The following SP3 variants were observed in gnomAD, a reference collection of about 807,000 sequenced individuals.
SP3 encodes transcription factor Sp3.
A neutral mutation model predicts 70.3 loss-of-function variants in SP3; 10 were observed. That is an observed-to-expected ratio of 0.14 (90% CI 0.09 to 0.24). SP3 has a LOEUF of 0.24. Ranked by LOEUF, SP3 falls within the 10% of genes least tolerant of loss-of-function variation. The pLI is 1.00. For missense variants in SP3, 825 were observed against 914.6 expected, an observed-to-expected ratio of 0.90 and a Z score of 1.26; for synonymous variants, 402 against 333.5, an observed-to-expected ratio of 1.21 and a Z score of -2.24.
At chr2:173,933,638 TTATATATATATATATATA>T (rs60102426) in intron 4 of SP3, among the ~76,000 whole-genome samples, 8 of 86,556 alleles carry the variant, frequency 9.2e-5, no homozygotes, top group East Asian at 3.2e-4. Flanking sequence ...TTATAAAACT[TTATATATATATATATATA>T]TATATATATA....
intron 3 of SP3, 145 bp from the exon 4 acceptor site, chr2:173,956,377 A>G: frequency 5.3e-6 from 4 of 761,766 alleles, no homozygotes; most frequent in South Asian, 2.2e-5. Flanking sequence ...GAGCAGTACT[A>G]TATGAACTAC....
intron 4 of SP3, among the ~76,000 whole-genome samples, chr2:173,951,840 T>C (rs994309273): frequency 6.6e-6 from 1 of 152,222 alleles, no homozygotes; most frequent in Admixed American, 6.5e-5. Context: ...TATAATATAA[T>C]GAGTTGGTCA....
intron 6 of SP3, among the ~76,000 whole-genome samples, chr2:173,911,169 G>C (rs1689471756): frequency 6.6e-6 from 1 of 152,004 alleles, no homozygotes; most frequent in Non-Finnish European, 1.5e-5. Context: ...TCTCTCTCCA[G>C]ACTATCTTCC....
rs904092430 is a variant in SP3, at chr2:173,919,600, G to C, written c.1640-815C>G. On this transcript the variant is annotated intron_variant, in intron 4 of 6. Coordinates refer to ENST00000310015, the MANE Select transcript of SP3 (RefSeq NM_003111.5). ...CCATCAAAATGACCCATAAAAGTAAGAAAAGGTATTCAACATTGTTAAATA... is the reference window on the plus strand; with the variant it reads ...CCATCAAAATGACCCATAAAAGTAACAAAAGGTATTCAACATTGTTAAATA... 4.9e-4 allele frequency among the ~76,000 whole-genome samples: 74 copies of C among 152,160 alleles called. 1 individual carries two copies. The highest frequency in any genetic ancestry group is 1.7e-3 in the African/African-American group (71 of 41,528).
intron 4 of SP3, among the ~76,000 whole-genome samples, chr2:173,930,747 A>C (rs1690044769): frequency 6.6e-6 from 1 of 152,332 alleles, no homozygotes; most frequent in Non-Finnish European, 1.5e-5. Flanking sequence ...CCAATGCCAC[A>C]GTTGAAGTTT....
At chr2:173,936,549 AT>A (rs1414244325) in intron 4 of SP3, among the ~76,000 whole-genome samples, 3 of 152,174 alleles carry the variant, frequency 2.0e-5, no homozygotes, top group Admixed American at 2.0e-4. Flanking sequence ...AACTGCCCAG[AT>A]TTCTATTCAT....
chr2:173,934,291 T>C lies in SP3; in HGVS notation c.1640-15506A>G, dbSNP rs560925543. On this transcript the variant is annotated intron_variant, in intron 4 of 6. Transcript: ENST00000310015. ...ATTAGAATGGGAAAAAAAGCAAAAA[T>C]GGAAACAGACATCAAATACCATTTT... Among the ~76,000 whole-genome samples the C allele has an allele frequency of 4.7e-4, 71 of 151,336 alleles. 1 individual carries two copies. The highest frequency in any genetic ancestry group is 3.5e-3 in the Admixed American group (53 of 15,180).
At position 173,906,835 on chromosome 2, in the gene SP3, T is replaced by G. The variant is rs1269509868; in HGVS notation, c.*3106A>C. 1 of 152,192 alleles carries G rather than the reference T, an allele frequency of 6.6e-6. No homozygotes were observed. The highest frequency in any genetic ancestry group is 1.5e-5 in the Non-Finnish European group (1 of 68,028). 9.4% of individuals were successfully genotyped at this position (152,192 alleles called of 1,614,324 possible). ...CATATACACTCCATCTCCAGAGATG[T>G]TGATTTAGTAAGCTGAGGTGGCTAC... On this transcript the variant is annotated 3_prime_UTR_variant, in exon 7 of 7. Transcript: ENST00000310015.
chr2:173,943,192 T>G (rs1480283375), intron 4 of SP3, among the ~76,000 whole-genome samples: 1 of 152,238 alleles, frequency 6.6e-6, no homozygotes, highest in Non-Finnish European at 1.5e-5. Flanking sequence ...ATTTAAAACC[T>G]GCCAATGTTT....
intron 4 of SP3, among the ~76,000 whole-genome samples, chr2:173,933,647 T>TATATATATATATATATATAA (rs1690131107): frequency 7.5e-6 from 1 of 133,342 alleles, no homozygotes; most frequent in African/African-American, 3.1e-5. Context: ...TTTATATATA[T>TATATATATATATATATATAA]ATATATATAT....
chr2:173,962,537 A>G (rs1691119848), intron 3 of SP3, among the ~76,000 whole-genome samples: 1 of 152,228 alleles, frequency 6.6e-6, no homozygotes, highest in Non-Finnish European at 1.5e-5. Flanking sequence ...ACATTTTTAC[A>G]TGTTAATCTG....
chr2:173,954,383 CAACAAGGA>C (rs569663665), intron 4 of SP3, among the ~76,000 whole-genome samples: 1 of 152,226 alleles, frequency 6.6e-6, no homozygotes, highest in East Asian at 1.9e-4. Flanking sequence ...CCATTTTACA[CAACAAGGA>C]AACTGAGTTT....
chr2:173,955,085 T>C lies in SP3; in HGVS notation c.1427A>G (p.Asn476Ser). Residue 476 changes from asparagine (N) to serine (S), a missense_variant, in exon 4 of 7, where the codon AAT becomes AGT. Physicochemically the swap from Asn to Ser is conservative, Grantham distance 46. Around this residue, in one of 4 missense-constraint regions of SP3, gnomAD observed 678 missense variants for 651.6 expected, o/e 1.04. Coordinates refer to ENST00000310015, the MANE Select transcript of SP3 (RefSeq NM_003111.5). ...GGCAGCAGTATTCTGTATTTGCAAA[T>C]TCTGCAAGTTCTGGACCCCTTGTAC... The part of the protein sequence containing the change: ...FQVQGVQNLQ[N>S]LQIQNTAAQQ... 6.2e-7 allele frequency: 1 copy of C among 1,614,194 alleles called. No individual in the cohort carries two copies. The highest frequency in any genetic ancestry group is 1.1e-5 in the South Asian group (1 of 91,082).
intron 3 of SP3, chr2:173,963,250 C>G (rs1308942023): frequency 2.6e-5 from 4 of 152,128 alleles, no homozygotes; most frequent in Admixed American, 2.0e-4. Context: ...ACTAAAAAAG[C>G]AGTCTTCACT....
At chr2:173,964,277 G>A (rs1245296355) in intron 2 of SP3, 128 bp downstream of exon 2, 4 of 513,228 alleles carry the variant, frequency 7.8e-6, no homozygotes, top group South Asian at 4.8e-5. Flanking sequence ...CTCCCGGGGC[G>A]GGGGGAGGGG....
intron 4 of SP3, among the ~76,000 whole-genome samples, chr2:173,942,541 G>A (rs1166036390): frequency 6.6e-6 from 1 of 152,146 alleles, no homozygotes; most frequent in Non-Finnish European, 1.5e-5. Flanking sequence ...ACTCCAGTCT[G>A]GGTGACTGGA....
At chr2:173,930,855 C>A (rs190313208) in intron 4 of SP3, among the ~76,000 whole-genome samples, 1 of 152,202 alleles carries the variant, frequency 6.6e-6, no homozygotes, top group Admixed American at 6.5e-5. Flanking sequence ...ATGCAAGCCA[C>A]GTACGTTAAC....
At chr2:173,946,366 A>G (rs1490176888) in intron 4 of SP3, among the ~76,000 whole-genome samples, 1 of 151,478 alleles carries the variant, frequency 6.6e-6, no homozygotes, top group East Asian at 1.9e-4. Flanking sequence ...CTGGTCTTAA[A>G]CTCCTGGCCT....
intron 4 of SP3, among the ~76,000 whole-genome samples, chr2:173,949,950 G>A (rs80236802): frequency 0.038 from 5,789 of 152,138 alleles, 171 homozygotes; most frequent in Admixed American, 0.1. Flanking sequence ...TAAATTTGGG[G>A]GAAATTTTGA....
Sources: gnomAD v4.1 joint callset for allele counts (sites outside exome capture counted in the v4.1 genomes callset) on GRCh38, gnomAD v4.1.1 for gene constraint, gnomAD v4.1.1 regional missense constraint, MANE v1.5 for transcripts, NCBI Gene and HGNC (gene_info 2026-07-23, HGNC 2026-07-21) for gene names.